PATJ: variants seen among roughly 807,000 people sequenced by gnomAD.
PATJ encodes the protein PATJ crumbs cell polarity complex component, also known as inaD-like protein.
Under a neutral mutation model 224.9 loss-of-function variants are expected in PATJ, and 190 were observed. The observed-to-expected ratio is 0.84, with a 90% CI of 0.75 to 0.95. The LOEUF (loss-of-function observed/expected upper bound fraction) is 0.95, where lower values mean the gene tolerates loss of function less well. PATJ is among the 40% of genes least tolerant of loss of function. PATJ has a pLI of 0.00. For missense variants in PATJ, 2,121 were observed against 2,270.3 expected, an observed-to-expected ratio of 0.93 and a Z score of 1.34; for synonymous variants, 769 against 820.3, an observed-to-expected ratio of 0.94 and a Z score of 1.07.
chr1:61,884,040 A>G (rs957764427), intron 21 of PATJ, among the ~76,000 whole-genome samples, 197 bp from the exon 22 acceptor site: 6 of 152,004 alleles, frequency 3.9e-5, no homozygotes, highest in Non-Finnish European at 5.9e-5. Context: ...CAATTCCTAT[A>G]TTCCTTCCTT....
At chr1:62,143,553 C>T (rs925955063) in intron 41 of PATJ, among the ~76,000 whole-genome samples, 5 of 145,102 alleles carry the variant, frequency 3.4e-5, no homozygotes, top group African/African-American at 5.1e-5. Context: ...TGGGTTCAAG[C>T]GATTCTCCTG....
intron 13 of PATJ, among the ~76,000 whole-genome samples, chr1:61,806,755 A>G (rs1037644148): frequency 6.6e-6 from 1 of 152,236 alleles, no homozygotes; most frequent in Non-Finnish European, 1.5e-5. Context: ...ATCACCTAGC[A>G]AATGGCATTT....
chr1:61,790,207 GAAAAAA>G (rs35646597), intron 8 of PATJ, among the ~76,000 whole-genome samples: 4 of 114,150 alleles, frequency 3.5e-5, no homozygotes, highest in Non-Finnish European at 5.4e-5. Flanking sequence ...CTGTCTCTGA[GAAAAAA>G]AAAAAAAAAA....
intron 29 of PATJ, among the ~76,000 whole-genome samples, chr1:62,027,675 G>A (rs567395734): frequency 1.5e-5 from 2 of 134,930 alleles, no homozygotes; most frequent in South Asian, 2.4e-4. Context: ...CCTAATGAGT[G>A]TAAGGTGGTA....
Position 61,769,366 on chromosome 1 carries a change from T to A in PATJ, c.468T>A (p.Asn156Lys). ...GFSVVALRSQ[N>K]LGKVDIFVKD... ...GTGTGGTGGCCCTCAGAAGTCAAAA[T>A]CTCGGAAAAGTTGATATCTTCGTGA... is the stretch of plus-strand genomic sequence containing the variant. Residue 156 changes from asparagine (N) to lysine (K), a missense_variant, in exon 5 of 44, where the codon AAT becomes AAA. Asn to Lys is a moderately conservative substitution (Grantham distance 94). Transcript: ENST00000642238. 6.2e-7 allele frequency: 1 copy of A among 1,614,050 alleles called. No homozygotes were observed. The highest frequency in any genetic ancestry group is 8.5e-7 in the Non-Finnish European group (1 of 1,180,016).
intron 20 of PATJ, 42 bp downstream of exon 20, chr1:61,864,675 C>G (rs1280462268): frequency 1.3e-6 from 2 of 1,522,692 alleles, no homozygotes; most frequent in Admixed American, 1.8e-5. Context: ...CCCTTCTGCT[C>G]TCCTCGCCTG....
chr1:61,798,193 G>A lies in PATJ; in HGVS notation c.1402+765G>A, dbSNP rs369716444. ...AGTATACTGAGAGAAAATAAAACAC[G>A]TATTTGTATTTTATTTTTTTTAGAC... On this transcript the variant is annotated intron_variant, in intron 11 of 43. Coordinates refer to ENST00000642238, the MANE Select transcript of PATJ (RefSeq NM_001350145.3). 5.3e-4 allele frequency among the ~76,000 whole-genome samples: 80 copies of A among 151,708 alleles called. 1 individual carries two copies. The South Asian group carries it at 0.01, about 19-fold the overall frequency.
chr1:61,762,975 G>A (rs368696281), intron 2 of PATJ, 38 bp from the exon 3 acceptor site: 43 of 1,556,944 alleles, frequency 2.8e-5, no homozygotes, highest in Non-Finnish European at 3.8e-5. Flanking sequence ...TCTCAAATGG[G>A]ACTTAACTAT....
At chr1:61,946,052 G>A (rs1376778335) in intron 27 of PATJ, among the ~76,000 whole-genome samples, 4 of 152,164 alleles carry the variant, frequency 2.6e-5, no homozygotes, top group Non-Finnish European at 5.9e-5. Context: ...GAATCTCTGG[G>A]ACATATTTAA....
chr1:62,110,441 C>T (rs112449334), intron 34 of PATJ, among the ~76,000 whole-genome samples: 16 of 152,286 alleles, frequency 1.1e-4, no homozygotes, highest in African/African-American at 3.1e-4. Flanking sequence ...CCTTTGCACT[C>T]GTGAGAGTCC....
intron 16 of PATJ, among the ~76,000 whole-genome samples, chr1:61,831,833 A>G (rs1349068429): frequency 6.6e-6 from 1 of 152,226 alleles, no homozygotes; most frequent in Non-Finnish European, 1.5e-5. Flanking sequence ...TACTGCGTAT[A>G]TACCCAGAGG....
At chr1:61,972,176 A>G (rs1404999767) in intron 27 of PATJ, among the ~76,000 whole-genome samples, 1 of 151,940 alleles carries the variant, frequency 6.6e-6, no homozygotes, top group Non-Finnish European at 1.5e-5. Flanking sequence ...TGTTTTATAT[A>G]TGCCTTATAC....
chr1:61,820,762 G>A lies in PATJ; in HGVS notation c.1684-2183G>A, dbSNP rs551542932. Among the ~76,000 whole-genome samples, 26 of 152,310 alleles carry A rather than the reference G, an allele frequency of 1.7e-4. 1 individual carries two copies. Among genetic ancestry groups the A allele is most frequent in the African/African-American group, 4.6e-4 (19 of 41,566 alleles). ...TCAAGCCAGTATAAGACCCAGCACCGCACTGGGGATGAGCTATGGTGGATC... is the reference window on the plus strand; with the variant it reads ...TCAAGCCAGTATAAGACCCAGCACCACACTGGGGATGAGCTATGGTGGATC... On this transcript the variant is annotated intron_variant, in intron 14 of 43. Coordinates refer to ENST00000642238, the MANE Select transcript of PATJ (RefSeq NM_001350145.3).
intron 31 of PATJ, among the ~76,000 whole-genome samples, chr1:62,061,069 G>C (rs1655343089): frequency 6.6e-6 from 1 of 151,936 alleles, no homozygotes; most frequent in Non-Finnish European, 1.5e-5. Flanking sequence ...CTGAGGTTTG[G>C]GATATGATTG....
chr1:61,819,598 G>A (rs997116898), intron 14 of PATJ, among the ~76,000 whole-genome samples: 6 of 151,938 alleles, frequency 3.9e-5, no homozygotes, highest in East Asian at 1.9e-4. Flanking sequence ...CAAAAGCAGC[G>A]TGGGGCGGCA....
At chr1:61,790,484 G>GCTT (rs1649565399) in intron 8 of PATJ, among the ~76,000 whole-genome samples, 1 of 146,664 alleles carries the variant, frequency 6.8e-6, no homozygotes, top group Non-Finnish European at 1.5e-5. Flanking sequence ...TCTCTGCTTA[G>GCTT]CTTCTTCTTC....
Position 61,927,748 on chromosome 1 carries a change from C to G in PATJ, c.3589C>G (p.Pro1197Ala). The change falls in exon 27 of 44, where the codon CCG becomes GCG. Residue 1197 changes from proline to alanine, a missense_variant. Transcript: ENST00000642238. ...KKEKRQGTAPPPMKLPPPYKA... is the reference protein window; with the variant it reads ...KKEKRQGTAPAPMKLPPPYKA... ...TCTTCAGAGGCAAGGAACTGCTCCA[C>G]CGCCAATGAAACTTCCTCCTCCTTA... is the stretch of plus-strand genomic sequence containing the variant. 7 of 1,613,152 alleles carry G rather than the reference C, an allele frequency of 4.3e-6. No homozygotes were observed. The highest frequency in any genetic ancestry group is 5.9e-6 in the Non-Finnish European group (7 of 1,179,478).
chr1:61,838,279 C>A (rs1258256558), intron 17 of PATJ, among the ~76,000 whole-genome samples: 6 of 151,914 alleles, frequency 3.9e-5, no homozygotes, highest in South Asian at 2.1e-4. Context: ...ATTGTCATGC[C>A]TTATAGGATT....
At chr1:61,905,430 A>G (rs1158866265) in intron 24 of PATJ, among the ~76,000 whole-genome samples, 1 of 152,268 alleles carries the variant, frequency 6.6e-6, no homozygotes, top group Admixed American at 6.5e-5. Flanking sequence ...TGAAGGACAC[A>G]TAAATTCCAA....
Sources: gnomAD v4.1 joint callset for allele counts (sites outside exome capture counted in the v4.1 genomes callset) on GRCh38, gnomAD v4.1.1 for gene constraint, MANE v1.5 for transcripts, NCBI Gene and HGNC (gene_info 2026-07-23, HGNC 2026-07-21) for gene names.